Variants in ATOSA observed in about 807,000 individuals in gnomAD.
ATOSA encodes the protein atos homolog A.
chr15:52,685,199 C>T, the ATOSA span, among the ~76,000 whole-genome samples: 1 of 152,162 alleles, frequency 6.6e-6, no homozygotes. Flanking sequence ...TGCCTTTTAG[C>T]GGTGCAAATT....
At chr15:52,632,609 G>T in the ATOSA span, among the ~76,000 whole-genome samples, 1 of 152,096 alleles carries the variant, frequency 6.6e-6, no homozygotes, top group South Asian at 2.1e-4. Flanking sequence ...GCTATGATAG[G>T]AATTATTAAT....
At chr15:52,649,274 G>T in the ATOSA span, among the ~76,000 whole-genome samples, 1 of 152,064 alleles carries the variant, frequency 6.6e-6, no homozygotes, top group Non-Finnish European at 1.5e-5. Context: ...CCGCAAGGAA[G>T]AGTCAAGGAA....
At chr15:52,603,026 T>C in the ATOSA span, among the ~76,000 whole-genome samples, 1 of 152,232 alleles carries the variant, frequency 6.6e-6, no homozygotes. Flanking sequence ...TGTATTGACT[T>C]AGTCTACCAT....
At chr15:52,676,613 TAAAG>T in the ATOSA span, among the ~76,000 whole-genome samples, 2 of 152,200 alleles carry the variant, frequency 1.3e-5, no homozygotes, top group African/African-American at 4.8e-5. Flanking sequence ...CTGAGAATGC[TAAAG>T]AAAGCTACAA....
At chr15:52,658,801 CAAAAAAAAA>C in the ATOSA span, 3,105 of 261,938 alleles carry the variant, frequency 0.012, 82 homozygotes, top group African/African-American at 0.1. Flanking sequence ...CTCGTTTCTA[CAAAAAAAAA>C]AAAAAAAAAA....
the ATOSA span, among the ~76,000 whole-genome samples, chr15:52,669,605 T>C: frequency 6.6e-6 from 1 of 152,234 alleles, no homozygotes; most frequent in Non-Finnish European, 1.5e-5. Flanking sequence ...ATTAATTCCA[T>C]TCAGGAATAT....
At chr15:52,594,848 T>C in the ATOSA span, among the ~76,000 whole-genome samples, 2 of 152,170 alleles carry the variant, frequency 1.3e-5, no homozygotes, top group African/African-American at 4.8e-5. Flanking sequence ...TTCTTTTTCT[T>C]TTTTTGAAAA....
At chr15:52,704,623 T>G in the ATOSA span, among the ~76,000 whole-genome samples, 1 of 152,052 alleles carries the variant, frequency 6.6e-6, no homozygotes, top group South Asian at 2.1e-4. Flanking sequence ...AAAGGGCTAA[T>G]ATCCAGAATC....
the ATOSA span, among the ~76,000 whole-genome samples, chr15:52,637,868 A>G: frequency 6.6e-6 from 1 of 151,914 alleles, no homozygotes; most frequent in Non-Finnish European, 1.5e-5. Context: ...TCTCCCATTC[A>G]CTCCTATATC....
chr15:52,661,949 AAAAC>A, the ATOSA span, among the ~76,000 whole-genome samples: 1 of 151,474 alleles, frequency 6.6e-6, no homozygotes, highest in East Asian at 1.9e-4. Flanking sequence ...AAAAAAAAAA[AAAAC>A]AGCAAAAAAA....
chr15:52,649,331 A>G, the ATOSA span, among the ~76,000 whole-genome samples: 2,190 of 152,244 alleles, frequency 0.014, 15 homozygotes, highest in Non-Finnish European at 0.023. Context: ...GAAATCAAAC[A>G]TTTGTGATAA....
the ATOSA span, among the ~76,000 whole-genome samples, chr15:52,639,621 T>G: frequency 6.6e-6 from 1 of 152,252 alleles, no homozygotes; most frequent in East Asian, 1.9e-4. Context: ...TTATTTCATT[T>G]ACATTGAAGA....
chr15:52,599,386 T>G, the ATOSA span, among the ~76,000 whole-genome samples: 4 of 152,244 alleles, frequency 2.6e-5, no homozygotes, highest in Non-Finnish European at 1.5e-5. Flanking sequence ...TCTTTTCATT[T>G]CCACTAAGAC....
At chr15:52,597,052 G>A in the ATOSA span, among the ~76,000 whole-genome samples, 77 of 152,298 alleles carry the variant, frequency 5.1e-4, no homozygotes, top group African/African-American at 1.8e-3. Flanking sequence ...GGATGTGGAA[G>A]AACTAGAACT....
At chr15:52,629,543 C>A in the ATOSA span, 1 of 262,376 alleles carries the variant, frequency 3.8e-6, no homozygotes, top group South Asian at 3.2e-5. Context: ...GTGGCTCATG[C>A]CTGTAATCCC....
At chr15:52,636,836 G>A in the ATOSA span, among the ~76,000 whole-genome samples, 1 of 152,188 alleles carries the variant, frequency 6.6e-6, no homozygotes, top group Admixed American at 6.5e-5. Flanking sequence ...TGTAGAGCTA[G>A]GTGTTCTCAG....
the ATOSA span, among the ~76,000 whole-genome samples, chr15:52,588,976 T>C: frequency 6.6e-6 from 1 of 152,146 alleles, no homozygotes. Flanking sequence ...GGTTAGGAAG[T>C]AAAAAGGAGT....
At chr15:52,705,469 C>T in the ATOSA span, among the ~76,000 whole-genome samples, 10 of 151,906 alleles carry the variant, frequency 6.6e-5, no homozygotes, top group East Asian at 1.5e-3. Context: ...CAAACCTGCA[C>T]GTTGTGCACA....
chr15:52,623,866 A>G, the ATOSA span, among the ~76,000 whole-genome samples: 1 of 152,240 alleles, frequency 6.6e-6, no homozygotes, highest in Non-Finnish European at 1.5e-5. Context: ...AGCCCTTTCT[A>G]GAAAAGTATT....
Sources: allele counts gnomAD v4.1 joint callset (sites outside exome capture counted in the v4.1 genomes callset), GRCh38; gene constraint gnomAD v4.1.1; transcripts MANE v1.5; gene names NCBI Gene and HGNC (gene_info 2026-07-23, HGNC 2026-07-21).